Variants in SYNE2 observed in about 807,000 individuals in gnomAD.
The protein encoded by SYNE2 is spectrin repeat containing nuclear envelope protein 2, also known as nesprin-2.
A neutral mutation model predicts 856.3 loss-of-function variants in SYNE2; 431 were observed. The observed-to-expected ratio is 0.50, with a 90% CI of 0.47 to 0.55. The LOEUF (loss-of-function observed/expected upper bound fraction) is 0.55, where lower values mean the gene tolerates loss of function less well. Among genes scored for constraint, SYNE2 ranks in the 20% least tolerant of loss-of-function variants. The pLI, the probability that SYNE2 is intolerant of heterozygous loss-of-function variation, is 0.00. For missense variants in SYNE2, 8,129 were observed against 8,023.2 expected (o/e 1.01, Z -0.50); for synonymous variants, 2,923 against 2,872.3 (o/e 1.02, Z -0.56).
At chr14:63,871,450 C>T (rs936867821) in intron 1 of SYNE2, among the ~76,000 whole-genome samples, 37 of 151,826 alleles carry the variant, frequency 2.4e-4, no homozygotes, top group African/African-American at 8.0e-4. Flanking sequence ...TCAGATGATC[C>T]GCCTGCCTCA....
chr14:64,191,190 A>C (rs2098517306), intron 99 of SYNE2: 1 of 308,632 alleles, frequency 3.2e-6, no homozygotes, highest in Admixed American at 4.8e-5. Flanking sequence ...TTATTATTTA[A>C]ATTTAATAAT....
At chr14:63,956,388 T>C (rs2096242088) in intron 8 of SYNE2, 1 of 456,476 alleles carries the variant, frequency 2.2e-6, no homozygotes, top group East Asian at 6.9e-5. Flanking sequence ...AATTTGTGCA[T>C]TTATATGATT....
Position 63,941,937 on chromosome 14 carries a change from C to T in SYNE2, c.290C>T (p.Ala97Val), listed in dbSNP as rs1237928596. The change falls in exon 5 of 116, where the codon GCC (alanine) becomes GTC (valine). Residue 97 changes from alanine (A) to valine (V), a missense_variant. By Grantham distance (64) the Ala-to-Val change is moderately conservative. Around this residue, in one of 3 missense-constraint regions of SYNE2, gnomAD observed 2,422 missense variants for 2,357.4 expected, o/e 1.03. Coordinates refer to ENST00000555002, the MANE Select transcript of SYNE2 (RefSeq NM_182914.3). The stretch of plus-strand genomic sequence containing the variant: ...CAGTGTAGAATCAATATAGAACATG[C>T]CTTGACATTCCTAAGAAACCGATCA... ...TFQCRINIEH[A>V]LTFLRNRSIK... The T allele has an allele frequency of 6.2e-6, 10 of 1,612,778 alleles. No homozygotes were observed. Among genetic ancestry groups the T allele is most frequent in the Non-Finnish European group, 8.5e-6 (10 of 1,179,818 alleles).
chr14:63,922,132 T>G (rs1339056195), intron 2 of SYNE2, among the ~76,000 whole-genome samples: 2 of 152,128 alleles, frequency 1.3e-5, no homozygotes, highest in African/African-American at 4.8e-5. Context: ...GTCTCTTGAA[T>G]AGTTGGGACT....
At chr14:64,081,367 T>C in intron 56 of SYNE2, 76 bp from the exon 57 acceptor site, 1 of 1,576,988 alleles carries the variant, frequency 6.3e-7, no homozygotes. Context: ...CTAACAGCTA[T>C]TGACTCTTCA....
chr14:63,856,404 C>G (rs1045962691), intron 1 of SYNE2, among the ~76,000 whole-genome samples: 2 of 152,190 alleles, frequency 1.3e-5, no homozygotes, highest in East Asian at 1.9e-4. Flanking sequence ...AATCAAAAGA[C>G]AGTCCCTGTC....
At chr14:63,948,720 G>GTGTATATATATATATA (rs2096079131) in intron 6 of SYNE2, among the ~76,000 whole-genome samples, 2 of 70,136 alleles carry the variant, frequency 2.9e-5, no homozygotes, top group African/African-American at 8.5e-5. Context: ...ATATATATGT[G>GTGTATATATATATATA]TGTATATATA....
chr14:63,889,311 A>G (rs969968900), intron 1 of SYNE2, among the ~76,000 whole-genome samples: 2 of 152,102 alleles, frequency 1.3e-5, no homozygotes, highest in Non-Finnish European at 2.9e-5. Context: ...TCTAACTTAC[A>G]GTATTTTTAA....
intron 54 of SYNE2, among the ~76,000 whole-genome samples, chr14:64,077,022 C>T (rs866782639): frequency 2.0e-5 from 3 of 151,970 alleles, no homozygotes; most frequent in African/African-American, 7.2e-5. Flanking sequence ...TTGAGAGAAA[C>T]TAAATGTTAT....
At chr14:64,039,263 C>T (rs557878120) in intron 45 of SYNE2, among the ~76,000 whole-genome samples, 1 of 152,358 alleles carries the variant, frequency 6.6e-6, no homozygotes, top group African/African-American at 2.4e-5. Context: ...AGGTTTCTGC[C>T]TGTCACAAAG....
At chr14:64,070,971 A>G (rs930423769) in intron 52 of SYNE2, 61 bp downstream of exon 52, 1 of 1,577,846 alleles carries the variant, frequency 6.3e-7, no homozygotes, top group Non-Finnish European at 8.7e-7. Context: ...AAAATTTAGA[A>G]AATCTAAAAG....
intron 7 of SYNE2, among the ~76,000 whole-genome samples, chr14:63,954,012 C>T (rs572969406): frequency 6.6e-6 from 1 of 152,310 alleles, no homozygotes; most frequent in South Asian, 2.1e-4. Flanking sequence ...CTCCCATTGT[C>T]AAGTGATCCT....
At position 63,947,904 on chromosome 14, in the gene SYNE2, C is replaced by T. The variant is rs116655319; in HGVS notation, c.409-1921C>T. ...GTAGTGTCACCTTCACACGTGAAGTCGACATGAAGTCGCCCTATATGTGAA... is the reference window on the plus strand; with the variant it reads ...GTAGTGTCACCTTCACACGTGAAGTTGACATGAAGTCGCCCTATATGTGAA... On this transcript the variant is annotated intron_variant, in intron 6 of 115. Transcript: ENST00000555002. 9.8e-3 allele frequency among the ~76,000 whole-genome samples: 1,486 copies of T among 152,140 alleles called. 27 individuals are homozygous for T. Among genetic ancestry groups the T allele is most frequent in the African/African-American group, 0.034 (1,396 of 41,488 alleles).
At chr14:63,857,822 G>A (rs1595215882) in intron 1 of SYNE2, among the ~76,000 whole-genome samples, 2 of 152,216 alleles carry the variant, frequency 1.3e-5, no homozygotes, top group Admixed American at 1.3e-4. Context: ...TTCTTATTGA[G>A]TTTTGAGAGT....
chr14:64,152,858 T>A, intron 85 of SYNE2, 142 bp downstream of exon 85: 1 of 1,106,226 alleles, frequency 9.0e-7, no homozygotes, highest in Non-Finnish European at 1.3e-6. Context: ...TGAAGTAAAT[T>A]AGAAGCATTT....
chr14:63,853,332 G>T (rs988868729), intron 1 of SYNE2, among the ~76,000 whole-genome samples, 189 bp downstream of exon 1: 1 of 151,852 alleles, frequency 6.6e-6, no homozygotes, highest in Non-Finnish European at 1.5e-5. Context: ...TGGGGAGAGC[G>T]GGGTGCGCGG....
rs2098304779 is a variant in SYNE2 at position 64,158,616 on chromosome 14, T to G, written c.15793-9T>G. ...TTTCTAAATCAGTACGTTTCCACTT[T>G]TTGTCTAGGTCAATCAGCTCAAAAC... On this transcript the variant is annotated splice_polypyrimidine_tract_variant and intron_variant, in intron 85 of 115. Transcript: ENST00000555002. The G allele has an allele frequency of 6.2e-7, 1 of 1,613,798 alleles. No individual in the cohort carries two copies. Among genetic ancestry groups the G allele is most frequent in the Non-Finnish European group, 8.5e-7 (1 of 1,179,786 alleles).
chr14:64,221,546 C>A, intron 111 of SYNE2, 30 bp from the exon 112 acceptor site: 1 of 1,614,150 alleles, frequency 6.2e-7, no homozygotes, highest in South Asian at 1.1e-5. Context: ...CTCTAAGACA[C>A]GGCCGCGCTC....
chr14:64,134,637 C>T (rs920757642), intron 78 of SYNE2, among the ~76,000 whole-genome samples: 6 of 152,120 alleles, frequency 3.9e-5, no homozygotes, highest in East Asian at 3.8e-4. Context: ...CCTGACTAGA[C>T]GTAGCCCATA....
Sources: gnomAD v4.1 joint callset for allele counts (sites outside exome capture counted in the v4.1 genomes callset) on GRCh38, gnomAD v4.1.1 for gene constraint, gnomAD v4.1.1 regional missense constraint, MANE v1.5 for transcripts, NCBI Gene and HGNC (gene_info 2026-07-23, HGNC 2026-07-21) for gene names.